The following ZFAT variants were observed in gnomAD, a reference collection of about 807,000 sequenced individuals.
ZFAT encodes the protein zinc finger protein ZFAT.
Under a neutral mutation model 117.7 loss-of-function variants are expected in ZFAT, and 64 were observed. That is an observed-to-expected ratio of 0.54 (90% CI 0.44 to 0.67). The LOEUF (loss-of-function observed/expected upper bound fraction) is 0.67. ZFAT is among the 30% of genes least tolerant of loss of function. The pLI is 0.00. For missense variants in ZFAT, 1,433 were observed against 1,584.5 expected, an observed-to-expected ratio of 0.90 and a Z score of 1.62; for synonymous variants, 679 against 615.0, an observed-to-expected ratio of 1.10 and a Z score of -1.54.
At chr8:134,698,947 T>G (rs545726054) in intron 1 of ZFAT, among the ~76,000 whole-genome samples, 1 of 152,260 alleles carries the variant, frequency 6.6e-6, no homozygotes, top group Non-Finnish European at 1.5e-5. Context: ...CAGAATGTTT[T>G]TCTTGATTAC....
chr8:134,686,075 G>A (rs999874786), intron 1 of ZFAT, among the ~76,000 whole-genome samples: 1 of 152,210 alleles, frequency 6.6e-6, no homozygotes, highest in Non-Finnish European at 1.5e-5. Flanking sequence ...TCCCCAGAGG[G>A]GGTGCAGCTG....
At chr8:134,700,262 C>T (rs1563774095) in intron 1 of ZFAT, among the ~76,000 whole-genome samples, 2 of 152,198 alleles carry the variant, frequency 1.3e-5, no homozygotes, top group African/African-American at 4.8e-5. Flanking sequence ...AAATGCAAAG[C>T]TAGGTCTCCG....
At chr8:134,656,019 C>T (rs1831580981) in intron 2 of ZFAT, among the ~76,000 whole-genome samples, 1 of 152,172 alleles carries the variant, frequency 6.6e-6, no homozygotes, top group Non-Finnish European at 1.5e-5. Context: ...GACTAAAGCC[C>T]TCTCTGTGAA....
the ZFAT span, among the ~76,000 whole-genome samples, chr8:134,754,124 G>A: frequency 6.6e-6 from 1 of 152,152 alleles, no homozygotes; most frequent in African/African-American, 2.4e-5. Flanking sequence ...AAAAGGAAGA[G>A]GATTTAAACT....
intron 11 of ZFAT, among the ~76,000 whole-genome samples, chr8:134,536,157 G>T (rs190157628): frequency 3.8e-3 from 576 of 152,314 alleles, no homozygotes; most frequent in Non-Finnish European, 6.0e-3. Flanking sequence ...CAAAAAATGT[G>T]TGTGTGAGCC....
At chr8:134,691,020 A>T (rs930606704) in intron 1 of ZFAT, among the ~76,000 whole-genome samples, 26 of 152,052 alleles carry the variant, frequency 1.7e-4, no homozygotes, top group African/African-American at 2.4e-5. Context: ...AGTTTTGTAG[A>T]CTCTTGCTGT....
At chr8:134,484,414 G>A (rs1817528915) in intron 15 of ZFAT, among the ~76,000 whole-genome samples, 1 of 152,240 alleles carries the variant, frequency 6.6e-6, no homozygotes, top group South Asian at 2.1e-4. Context: ...TCCAGGGCCA[G>A]CTGCTGCCTG....
the ZFAT span, among the ~76,000 whole-genome samples, chr8:134,732,398 A>C: frequency 6.6e-6 from 1 of 152,214 alleles, no homozygotes; most frequent in African/African-American, 2.4e-5. Context: ...GAAGGCAGGC[A>C]GACTGATGAG....
intron 2 of ZFAT, among the ~76,000 whole-genome samples, chr8:134,647,847 C>T (rs565703365): frequency 7.4e-4 from 112 of 152,066 alleles, no homozygotes; most frequent in Non-Finnish European, 9.3e-4. Flanking sequence ...ACATTGAAGA[C>T]GACACAAATA....
At chr8:134,805,739 G>C in the ZFAT span, among the ~76,000 whole-genome samples, 1 of 152,142 alleles carries the variant, frequency 6.6e-6, no homozygotes, top group Admixed American at 6.6e-5. Context: ...TTGGGAGGCC[G>C]AGGCAGGTGG....
chr8:134,828,703 A>C, the ZFAT span, among the ~76,000 whole-genome samples: 1 of 152,232 alleles, frequency 6.6e-6, no homozygotes, highest in South Asian at 2.1e-4. Flanking sequence ...AGCAAAGCAA[A>C]ATGATTTCTG....
At chr8:134,659,571 T>C (rs746371051) in intron 1 of ZFAT, among the ~76,000 whole-genome samples, 1 of 152,230 alleles carries the variant, frequency 6.6e-6, no homozygotes, top group Non-Finnish European at 1.5e-5. Flanking sequence ...GGGTGCATGA[T>C]GGCTTGTGCG....
the ZFAT span, among the ~76,000 whole-genome samples, chr8:134,813,637 A>G: frequency 6.6e-6 from 1 of 151,792 alleles, no homozygotes; most frequent in Non-Finnish European, 1.5e-5. Flanking sequence ...CTGGTCTCCA[A>G]CTCCTGACCT....
intron 15 of ZFAT, among the ~76,000 whole-genome samples, chr8:134,497,400 G>A (rs927416370): frequency 3.7e-4 from 56 of 152,222 alleles, no homozygotes; most frequent in African/African-American, 1.1e-3. Context: ...GGATGCCCCT[G>A]CTGCTGGTTA....
the ZFAT span, among the ~76,000 whole-genome samples, chr8:134,830,041 C>T: frequency 6.6e-6 from 1 of 152,148 alleles, no homozygotes; most frequent in African/African-American, 2.4e-5. Context: ...TGTGTTTTTA[C>T]CACCTGGAGT....
intron 3 of ZFAT, among the ~76,000 whole-genome samples, chr8:134,616,074 G>A (rs1828711349): frequency 6.6e-6 from 1 of 152,162 alleles, no homozygotes; most frequent in Non-Finnish European, 1.5e-5. Context: ...AGACCCAGAC[G>A]CCACCCAGAG....
At chr8:134,768,973 GAT>G in the ZFAT span, among the ~76,000 whole-genome samples, 1 of 152,178 alleles carries the variant, frequency 6.6e-6, no homozygotes, top group Non-Finnish European at 1.5e-5. Flanking sequence ...AGGAGTTCAA[GAT>G]CAGCCTGGCT....
rs572665888 is a variant in ZFAT, at chr8:134,642,614, G to A, written c.197-4902C>T. ...ATTCTCATTCATTCTGACTCAATAC[G>A]CATTTTTTCCTTGAGTTCTTCATTT... is the stretch of plus-strand genomic sequence containing the variant. On this transcript the variant is annotated intron_variant, in intron 2 of 15. Transcript: ENST00000377838. Among the ~76,000 whole-genome samples, 6 of 152,202 alleles carry A rather than the reference G, an allele frequency of 3.9e-5. No homozygotes were observed. The South Asian group carries it at 1.2e-3, about 32-fold the overall frequency.
intron 11 of ZFAT, among the ~76,000 whole-genome samples, chr8:134,533,978 G>C (rs1237591492): frequency 1.3e-5 from 2 of 152,330 alleles, no homozygotes; most frequent in East Asian, 3.9e-4. Flanking sequence ...GGGCCTGTTT[G>C]ATGACCCAGC....
Sources: gnomAD v4.1 joint callset for allele counts (sites outside exome capture counted in the v4.1 genomes callset) on GRCh38, gnomAD v4.1.1 for gene constraint, MANE v1.5 for transcripts, NCBI Gene and HGNC (gene_info 2026-07-23, HGNC 2026-07-21) for gene names.